Variants in FAM110D observed in about 807,000 individuals in gnomAD.
FAM110D encodes the protein protein FAM110D.
For missense variants in FAM110D, 376 were observed against 395.6 expected, an observed-to-expected ratio of 0.95 and a Z score of 0.42; for synonymous variants, 174 against 189.4, an observed-to-expected ratio of 0.92 and a Z score of 0.67.
Position 26,161,868 on chromosome 1 carries a change from G to A in FAM110D, c.577G>A (p.Ala193Thr), listed in dbSNP as rs905946832. ...RFSPQSWGAD[A>T]SPQAGTSPPP... is the part of the protein sequence containing the mutation. ...CTCCCCGCAGAGCTGGGGAGCCGAC[G>A]CCAGCCCGCAGGCCGGAACTTCGCC... Residue 193 changes from alanine (A) to threonine (T), a missense_variant, in exon 2 of 2, where the codon GCC becomes ACC. By Grantham distance (58) the Ala-to-Thr change is moderately conservative. Coordinates refer to ENST00000374268, the MANE Select transcript of FAM110D (RefSeq NM_024869.3). The surrounding 1 kb of genome is among the most constrained non-coding windows in gnomAD (Gnocchi z 5.4). The A allele has an allele frequency of 6.7e-7, 1 of 1,492,230 alleles. No homozygotes were observed. The highest frequency in any genetic ancestry group is 8.9e-7 in the Non-Finnish European group (1 of 1,126,226). 92.4% of individuals were successfully genotyped at this position (1,492,230 alleles called of 1,614,324 possible). A position where few individuals can be genotyped will look rare whatever the true frequency, so the allele number is the denominator to read the frequency against.
rs114223665 is a variant in FAM110D at position 26,163,702 on chromosome 1, C to A, written c.*1595C>A. The A allele has an allele frequency of 1.9e-3, 300 of 154,964 alleles. 1 individual carries two copies. Among genetic ancestry groups the A allele is most frequent in the Middle Eastern group, 0.016 (5 of 306 alleles). 9.6% of individuals were successfully genotyped at this position (154,964 alleles called of 1,614,324 possible). ...CCTCCAGGAAGCCGTCCTGAATGCC[C>A]CCAGTCAGCCTCACCTGCTCTGAGC... On this transcript the variant is annotated 3_prime_UTR_variant, in exon 2 of 2. Transcript: ENST00000374268.
chr1:26,161,239 T>A lies in FAM110D; in HGVS notation c.-53T>A. On this transcript the variant is annotated 5_prime_UTR_variant, in exon 2 of 2. Coordinates refer to ENST00000374268, the MANE Select transcript of FAM110D (RefSeq NM_024869.3). This position sits in a 1 kb window ranked among gnomAD's most constrained non-coding sequence, Gnocchi z 5.4. ...CAGTGAGAGCCCAAGCCAATTGCTCTAGGCCCCGTGGCTGGCTACTTATGG... is the reference window on the plus strand; with the variant it reads ...CAGTGAGAGCCCAAGCCAATTGCTCAAGGCCCCGTGGCTGGCTACTTATGG... 6.8e-7 allele frequency: 1 copy of A among 1,465,792 alleles called. No individual in the cohort carries two copies. The highest frequency in any genetic ancestry group is 1.4e-5 in the African/African-American group (1 of 70,664). The allele number at this position is 1,465,792 out of a possible 1,614,324, so 90.8% of individuals were successfully genotyped here.
chr1:26,161,483 C>G lies in FAM110D; in HGVS notation c.192C>G (p.Pro64=). ...PCNELGPPAS[P]RTPRPVRRGS... ...ACGAGCTGGGGCCCCCTGCATCGCC[C>G]AGGACGCCCAGGCCGGTCCGCCGGG... The change falls in exon 2 of 2, where the codon CCC becomes CCG. Residue 64 remains proline (P), a synonymous_variant. Coordinates refer to ENST00000374268, the MANE Select transcript of FAM110D (RefSeq NM_024869.3). This position sits in a 1 kb window ranked among gnomAD's most constrained non-coding sequence, Gnocchi z 5.4. 1 of 1,555,076 alleles carries G rather than the reference C, an allele frequency of 6.4e-7. No homozygotes were observed. Among genetic ancestry groups the G allele is most frequent in the South Asian group, 1.2e-5 (1 of 84,514 alleles).
At chr1:26,160,887 C>T (rs909305545) in intron 1 of FAM110D, among the ~76,000 whole-genome samples, 9 of 152,352 alleles carry the variant, frequency 5.9e-5, no homozygotes, top group East Asian at 1.9e-4. Flanking sequence ...GTATTTTTTC[C>T]GGTTGAAGCC....
chr1:26,161,931 A>T lies in FAM110D; in HGVS notation c.640A>T (p.Ser214Cys). ...CGGGGACGCCAGCGACTGGACATCC[A>T]GCGACAGGGGCGTGGACAGCCCGGG... ...GSGDASDWTS[S>C]DRGVDSPGGA... is the part of the protein sequence containing the mutation. Residue 214 changes from serine to cysteine, a missense_variant, in exon 2 of 2, where the codon AGC becomes TGC. Physicochemically the swap from Ser to Cys is moderately radical, Grantham distance 112 (BLOSUM62 -1). Transcript: ENST00000374268. This position sits in a 1 kb window ranked among gnomAD's most constrained non-coding sequence, Gnocchi z 5.4. 1 of 1,404,112 alleles carries T rather than the reference A, an allele frequency of 7.1e-7. No individual in the cohort carries two copies. The highest frequency in any genetic ancestry group is 9.2e-7 in the Non-Finnish European group (1 of 1,087,506). 87.0% of individuals were successfully genotyped at this position (1,404,112 alleles called of 1,614,324 possible). A position where few individuals can be genotyped will look rare whatever the true frequency, so the allele number is the denominator to read the frequency against.
In FAM110D at chr1:26,161,360, C is replaced by T. The variant is rs1158196313; in HGVS notation, c.69C>T (p.Ala23=). Residue 23 remains alanine (A), a synonymous_variant, in exon 2 of 2, where the codon GCC becomes GCT. Coordinates refer to ENST00000374268, the MANE Select transcript of FAM110D (RefSeq NM_024869.3). This position sits in a 1 kb window ranked among gnomAD's most constrained non-coding sequence, Gnocchi z 5.4. ...CCAGCGCCGTGGAGAGGCTGGAAGC[C>T]GACAAAGCCAAGTATGTCAAGACGC... ...RTPSAVERLE[A]DKAKYVKTHQ... The T allele has an allele frequency of 3.1e-6, 5 of 1,594,940 alleles. No homozygotes were observed. Among genetic ancestry groups the T allele is most frequent in the African/African-American group, 2.7e-5 (2 of 74,492 alleles).
chr1:26,159,964 G>A (rs2088346364), intron 1 of FAM110D, among the ~76,000 whole-genome samples: 2 of 152,186 alleles, frequency 1.3e-5, no homozygotes, highest in Admixed American at 6.5e-5. Context: ...CTGGGAGTGG[G>A]AGCGCAGGTT....
chr1:26,162,145 G>C lies in FAM110D; in HGVS notation c.*38G>C, dbSNP rs1194934953. ...CGGACTGGCCCCGGGACTGGCCCCG[G>C]GCACGGAAAAGGACACCCCTCTTCT... On this transcript the variant is annotated 3_prime_UTR_variant, in exon 2 of 2. Coordinates refer to ENST00000374268, the MANE Select transcript of FAM110D (RefSeq NM_024869.3). This position sits in a 1 kb window ranked among gnomAD's most constrained non-coding sequence, Gnocchi z 5.3. 2 of 1,216,904 alleles carry C rather than the reference G, an allele frequency of 1.6e-6. No individual in the cohort carries two copies. The highest frequency in any genetic ancestry group is 6.4e-5 in the East Asian group (2 of 31,308). The allele number at this position is 1,216,904 out of a possible 1,614,324, so 75.4% of individuals were successfully genotyped here.
In FAM110D at chr1:26,162,114, C is replaced by T; in HGVS notation, c.*7C>T. ...GCGCGAGTCCGAGGTGTGACCGCCGCGGCTCCGGACTGGCCCCGGGACTGG... is the reference window on the plus strand; with the variant it reads ...GCGCGAGTCCGAGGTGTGACCGCCGTGGCTCCGGACTGGCCCCGGGACTGG... On this transcript the variant is annotated 3_prime_UTR_variant, in exon 2 of 2. Coordinates refer to ENST00000374268, the MANE Select transcript of FAM110D (RefSeq NM_024869.3). This position sits in a 1 kb window ranked among gnomAD's most constrained non-coding sequence, Gnocchi z 5.3. The T allele has an allele frequency of 1.6e-6, 2 of 1,255,640 alleles. No homozygotes were observed. The highest frequency in any genetic ancestry group is 4.2e-5 in the Admixed American group (1 of 24,064). The allele number at this position is 1,255,640 out of a possible 1,614,324, so 77.8% of individuals were successfully genotyped here. A position where few individuals can be genotyped will look rare whatever the true frequency, so the allele number is the denominator to read the frequency against.
In FAM110D at chr1:26,161,718, C is replaced by A; in HGVS notation, c.427C>A (p.Pro143Thr). 4 of 1,550,498 alleles carry A rather than the reference C, an allele frequency of 2.6e-6. No homozygotes were observed. Among genetic ancestry groups the A allele is most frequent in the Non-Finnish European group, 3.5e-6 (4 of 1,147,198 alleles). The change falls in exon 2 of 2, where the codon CCG becomes ACG. Residue 143 changes from proline (P) to threonine (T), a missense_variant. Physicochemically the swap from Pro to Thr is conservative, Grantham distance 38. Transcript: ENST00000374268. This position sits in a 1 kb window ranked among gnomAD's most constrained non-coding sequence, Gnocchi z 5.4. ...GGGTTGGGCTGCGCCCCAGGATGCC[C>A]CGGAAGCGGCGGGAAAGCGGGCGCT... Reference protein sequence around the residue: ...SGGWAAPQDAPEAAGKRALCP... With the variant: ...SGGWAAPQDATEAAGKRALCP...
Position 26,161,873 on chromosome 1 carries a change from C to A in FAM110D, c.582C>A (p.Ser194Arg). Reference sequence around the variant, plus strand: ...CGCAGAGCTGGGGAGCCGACGCCAGCCCGCAGGCCGGAACTTCGCCGCCGC... The same window carrying A: ...CGCAGAGCTGGGGAGCCGACGCCAGACCGCAGGCCGGAACTTCGCCGCCGC... Reference protein sequence around the residue: ...FSPQSWGADASPQAGTSPPPG... With the variant: ...FSPQSWGADARPQAGTSPPPG... Residue 194 changes from serine to arginine, a missense_variant, in exon 2 of 2, where the codon AGC becomes AGA. Coordinates refer to ENST00000374268, the MANE Select transcript of FAM110D (RefSeq NM_024869.3). This position sits in a 1 kb window ranked among gnomAD's most constrained non-coding sequence, Gnocchi z 5.4. 1 of 1,486,284 alleles carries A rather than the reference C, an allele frequency of 6.7e-7. No individual in the cohort carries two copies. Among genetic ancestry groups the A allele is most frequent in the South Asian group, 1.3e-5 (1 of 77,746 alleles). 92.1% of individuals were successfully genotyped at this position (1,486,284 alleles called of 1,614,324 possible). A position where few individuals can be genotyped will look rare whatever the true frequency, so the allele number is the denominator to read the frequency against.
At position 26,161,570 on chromosome 1, in the gene FAM110D, C is replaced by A. The variant is rs2088367966; in HGVS notation, c.279C>A (p.Cys93Ter). 1 of 1,550,330 alleles carries A rather than the reference C, an allele frequency of 6.5e-7. No individual in the cohort carries two copies. The highest frequency in any genetic ancestry group is 1.4e-5 in the African/African-American group (1 of 73,078). Residue 93 changes from cysteine (C) to a stop codon, truncating the protein, a stop_gained, in exon 2 of 2, where the codon TGC (cysteine) becomes TGA (stop). Transcript: ENST00000374268. LOFTEE classifies it low-confidence loss of function (END_TRUNC). The surrounding 1 kb of genome is among the most constrained non-coding windows in gnomAD (Gnocchi z 5.4). Reference protein sequence around the residue: ...SLIFYRQKRDCKASVNKENAK... With the variant: ...SLIFYRQKRD ...TCTTCTACCGCCAGAAGCGGGACTGCAAGGCTTCGGTGAACAAAGAGAACG... is the reference window on the plus strand; with the variant it reads ...TCTTCTACCGCCAGAAGCGGGACTGAAAGGCTTCGGTGAACAAAGAGAACG...
intron 1 of FAM110D, among the ~76,000 whole-genome samples, chr1:26,160,483 A>G (rs1383835819): frequency 6.9e-6 from 1 of 145,332 alleles, no homozygotes; most frequent in Admixed American, 6.9e-5. Context: ...CCGTCTAAAG[A>G]AAAAAAAAAA....
chr1:26,162,827 T>G lies in FAM110D; in HGVS notation c.*720T>G, dbSNP rs1018126695. ...GGTCACTGGGTATGAAGGGCTGAGATCCAACCTTTCGGACACAAAAAGAAG... is the reference window on the plus strand; with the variant it reads ...GGTCACTGGGTATGAAGGGCTGAGAGCCAACCTTTCGGACACAAAAAGAAG... On this transcript the variant is annotated 3_prime_UTR_variant, in exon 2 of 2. Transcript: ENST00000374268. This position sits in a 1 kb window ranked among gnomAD's most constrained non-coding sequence, Gnocchi z 5.3. The G allele has an allele frequency of 1.3e-5, 2 of 152,002 alleles. No individual in the cohort carries two copies. Among genetic ancestry groups the G allele is most frequent in the African/African-American group, 4.8e-5 (2 of 41,382 alleles). 9.4% of individuals were successfully genotyped at this position (152,002 alleles called of 1,614,324 possible). A position where few individuals can be genotyped will look rare whatever the true frequency, so the allele number is the denominator to read the frequency against.
Position 26,161,699 on chromosome 1 carries a change from G to C in FAM110D, c.408G>C (p.Trp136Cys). ...STERPAASGG[W>C]AAPQDAPEAA... ...AGCGACCTGCGGCTTCAGGGGGTTGGGCTGCGCCCCAGGATGCCCCGGAAG... is the reference window on the plus strand; with the variant it reads ...AGCGACCTGCGGCTTCAGGGGGTTGCGCTGCGCCCCAGGATGCCCCGGAAG... The change falls in exon 2 of 2, where the codon TGG (tryptophan) becomes TGC (cysteine). Residue 136 changes from tryptophan (W) to cysteine (C), a missense_variant. Coordinates refer to ENST00000374268, the MANE Select transcript of FAM110D (RefSeq NM_024869.3). This position sits in a 1 kb window ranked among gnomAD's most constrained non-coding sequence, Gnocchi z 5.4. 6.4e-7 allele frequency: 1 copy of C among 1,551,058 alleles called. No homozygotes were observed. Among genetic ancestry groups the C allele is most frequent in the Non-Finnish European group, 8.7e-7 (1 of 1,147,482 alleles).
In FAM110D at chr1:26,162,130, C is replaced by T; in HGVS notation, c.*23C>T. The stretch of plus-strand genomic sequence containing the variant: ...TGACCGCCGCGGCTCCGGACTGGCC[C>T]CGGGACTGGCCCCGGGCACGGAAAA... On this transcript the variant is annotated 3_prime_UTR_variant, in exon 2 of 2. Transcript: ENST00000374268. This position sits in a 1 kb window ranked among gnomAD's most constrained non-coding sequence, Gnocchi z 5.3. The T allele has an allele frequency of 1.6e-6, 2 of 1,236,880 alleles. No homozygotes were observed. Among genetic ancestry groups the T allele is most frequent in the Non-Finnish European group, 2.0e-6 (2 of 983,634 alleles). 76.6% of individuals were successfully genotyped at this position (1,236,880 alleles called of 1,614,324 possible).
Position 26,162,498 on chromosome 1 carries a change from G to A in FAM110D, c.*391G>A. 5.3e-6 allele frequency: 1 copy of A among 188,440 alleles called. No individual in the cohort carries two copies. The highest frequency in any genetic ancestry group is 1.2e-5 in the Non-Finnish European group (1 of 82,444). The allele number at this position is 188,440 out of a possible 1,614,324, so 11.7% of individuals were successfully genotyped here. ...GGGCAAGAACTTGACCTCCCTGGAC[G>A]CAGCGGCACCCCTCGGTTATTAAGG... On this transcript the variant is annotated 3_prime_UTR_variant, in exon 2 of 2. Coordinates refer to ENST00000374268, the MANE Select transcript of FAM110D (RefSeq NM_024869.3). This position sits in a 1 kb window ranked among gnomAD's most constrained non-coding sequence, Gnocchi z 5.3.
In FAM110D at chr1:26,161,881, C is replaced by T; in HGVS notation, c.590C>T (p.Ala197Val). The change falls in exon 2 of 2, where the codon GCC (alanine) becomes GTC (valine). Residue 197 changes from alanine (A) to valine (V), a missense_variant. By Grantham distance (64) the Ala-to-Val change is moderately conservative (BLOSUM62 0). Coordinates refer to ENST00000374268, the MANE Select transcript of FAM110D (RefSeq NM_024869.3). This position sits in a 1 kb window ranked among gnomAD's most constrained non-coding sequence, Gnocchi z 5.4. ...QSWGADASPQ[A>V]GTSPPPGSGD... ...TGGGGAGCCGACGCCAGCCCGCAGGCCGGAACTTCGCCGCCGCCCGGCTCC... is the reference window on the plus strand; with the variant it reads ...TGGGGAGCCGACGCCAGCCCGCAGGTCGGAACTTCGCCGCCGCCCGGCTCC... The T allele has an allele frequency of 6.8e-7, 1 of 1,469,380 alleles. No homozygotes were observed. The highest frequency in any genetic ancestry group is 9.0e-7 in the Non-Finnish European group (1 of 1,116,308). 91.0% of individuals were successfully genotyped at this position (1,469,380 alleles called of 1,614,324 possible). A position where few individuals can be genotyped will look rare whatever the true frequency, so the allele number is the denominator to read the frequency against.
chr1:26,161,782 GCTT>G lies in FAM110D; in HGVS notation c.496_498del (p.Phe166del). ...TCGCTGCCCCTGTCGGAGAAGGAGC[GCTT>G]CTTCAACTACTGCGGCCTGGAGCGC... On this transcript the variant is annotated inframe_deletion, in exon 2 of 2. Coordinates refer to ENST00000374268, the MANE Select transcript of FAM110D (RefSeq NM_024869.3). This position sits in a 1 kb window ranked among gnomAD's most constrained non-coding sequence, Gnocchi z 5.4. The G allele has an allele frequency of 6.4e-7, 1 of 1,550,964 alleles. No homozygotes were observed. The highest frequency in any genetic ancestry group is 8.7e-7 in the Non-Finnish European group (1 of 1,148,016).
Sources: gnomAD v4.1 joint callset for allele counts (sites outside exome capture counted in the v4.1 genomes callset) on GRCh38, gnomAD v4.1.1 for gene constraint, Gnocchi (gnomAD v3.1) non-coding constraint, MANE v1.5 for transcripts, NCBI Gene and HGNC (gene_info 2026-07-23, HGNC 2026-07-21) for gene names.